The following PRKRA variants were observed in gnomAD, a reference collection of about 807,000 sequenced individuals.
PRKRA encodes interferon-inducible double-stranded RNA-dependent protein kinase activator A.
PRKRA carries 22 observed loss-of-function variants against 32.4 expected under a neutral mutation model. That is an observed-to-expected ratio of 0.68 (90% CI 0.49 to 0.97). The LOEUF is 0.97. Ranked by LOEUF, PRKRA falls within the 50% of genes least tolerant of loss-of-function variation. PRKRA has a pLI of 0.00. For synonymous variants in PRKRA, 139 were observed against 129.8 expected, an observed-to-expected ratio of 1.07 and a Z score of -0.48; for missense variants, 319 against 375.6, an observed-to-expected ratio of 0.85 and a Z score of 1.25.
At chr2:178,435,556 A>G (rs991180061) in intron 7 of PRKRA, among the ~76,000 whole-genome samples, 3 of 152,210 alleles carry the variant, frequency 2.0e-5, no homozygotes, top group African/African-American at 7.2e-5. Flanking sequence ...GAGATGGGAT[A>G]AAACTATAAA....
chr2:178,437,458 A>G (rs1696945754), intron 6 of PRKRA, among the ~76,000 whole-genome samples: 1 of 152,200 alleles, frequency 6.6e-6, no homozygotes, highest in Admixed American at 6.5e-5. Context: ...TTATCAGTGC[A>G]CATATATGCA....
intron 2 of PRKRA, among the ~76,000 whole-genome samples, chr2:178,448,177 G>A (rs1342464134): frequency 1.3e-5 from 2 of 152,136 alleles, no homozygotes; most frequent in African/African-American, 2.4e-5. Context: ...TCTTCTGGAC[G>A]GTCTGTATCT....
At chr2:178,450,535 G>A in intron 1 of PRKRA, 124 bp from the exon 2 acceptor site, 1 of 1,573,130 alleles carries the variant, frequency 6.4e-7, no homozygotes, top group Non-Finnish European at 8.6e-7. Flanking sequence ...GGAGGCCAGG[G>A]CCAGAGCTGG....
chr2:178,432,448 T>C (rs910157540), intron 7 of PRKRA, among the ~76,000 whole-genome samples, 194 bp from the exon 8 acceptor site: 7 of 152,202 alleles, frequency 4.6e-5, no homozygotes, highest in Non-Finnish European at 8.8e-5. Context: ...TCAAACACAT[T>C]ACACTTCATA....
At chr2:178,449,691 C>T (rs944837405) in intron 2 of PRKRA, among the ~76,000 whole-genome samples, 1 of 152,168 alleles carries the variant, frequency 6.6e-6, no homozygotes, top group Non-Finnish European at 1.5e-5. Context: ...GGATAATATA[C>T]AAAATATCTG....
intron 6 of PRKRA, among the ~76,000 whole-genome samples, chr2:178,437,537 A>G (rs142048356): frequency 3.9e-5 from 6 of 152,314 alleles, no homozygotes; most frequent in African/African-American, 1.2e-4. Flanking sequence ...TTTACTAGCA[A>G]TAAACACTCT....
At chr2:178,450,113 AG>A in intron 2 of PRKRA, 128 bp downstream of exon 2, 1 of 1,167,672 alleles carries the variant, frequency 8.6e-7, no homozygotes, top group East Asian at 2.3e-5. Context: ...ACCTGAGATG[AG>A]AGGTCTCAGT....
chr2:178,438,281 A>G lies in PRKRA; in HGVS notation c.610-1962T>C, dbSNP rs1239163714. On this transcript the variant is annotated intron_variant, in intron 6 of 7. Transcript: ENST00000325748. ...CAAATCTTTGATCCATCTGAAATTCACTTTGGTGTAAGGAATAAGGAAGCA... is the reference window on the plus strand; with the variant it reads ...CAAATCTTTGATCCATCTGAAATTCGCTTTGGTGTAAGGAATAAGGAAGCA... 2.0e-5 allele frequency among the ~76,000 whole-genome samples: 3 copies of G among 152,300 alleles called. No homozygotes were observed. In the East Asian group the frequency reaches 5.8e-4, roughly 29 times the overall value.
intron 6 of PRKRA, among the ~76,000 whole-genome samples, chr2:178,436,601 C>A (rs1227810395): frequency 6.6e-6 from 1 of 152,090 alleles, no homozygotes; most frequent in African/African-American, 2.4e-5. Flanking sequence ...CTGATGGTCA[C>A]ATTAAGAGGT....
chr2:178,450,654 A>T (rs1481480480), intron 1 of PRKRA: 6 of 1,439,084 alleles, frequency 4.2e-6, no homozygotes, highest in Non-Finnish European at 5.4e-6. Flanking sequence ...GGTAGGAGAG[A>T]TTCTCAACAG....
Position 178,447,508 on chromosome 2 carries a change from A to AGCAAG in PRKRA, c.313_314insCTTGC (p.Ile105ThrfsTer11), listed in dbSNP as rs1320640367. The AGCAAG allele has an allele frequency of 0.069, 70,449 of 1,022,606 alleles. 6 individuals are homozygous for AGCAAG. Among genetic ancestry groups the AGCAAG allele is most frequent in the Admixed American group, 0.097 (3,672 of 38,018 alleles). The allele number at this position is 1,022,606 out of a possible 1,614,324, so 63.3% of individuals were successfully genotyped here. A position where few individuals can be genotyped will look rare whatever the true frequency, so the allele number is the denominator to read the frequency against. ...AATACAAAGAAATTTAGCTCACCAA[A>AGCAAG]TACTTGCATTGGCTTTCAAAATGTT... On this transcript the variant is annotated frameshift_variant, in exon 3 of 8. Transcript: ENST00000325748. LOFTEE classifies it high-confidence loss of function.
Position 178,450,720 on chromosome 2 carries a change from C to T in PRKRA, c.65+246G>A, listed in dbSNP as rs150924810. The T allele has an allele frequency of 1.3e-3, 1,790 of 1,378,462 alleles. 35 individuals carry two copies. In the South Asian group the frequency reaches 0.018, roughly 14 times the overall value. The allele number at this position is 1,378,462 out of a possible 1,614,324, so 85.4% of individuals were successfully genotyped here. A position where few individuals can be genotyped will look rare whatever the true frequency, so the allele number is the denominator to read the frequency against. The stretch of plus-strand genomic sequence containing the variant: ...CAGGGAAAACCTGACGATCCCTTCC[C>T]GGGCGCGCCGACCGAGCGTCACCTC... On this transcript the variant is annotated intron_variant, in intron 1 of 7. Transcript: ENST00000325748.
In PRKRA at chr2:178,450,222, G is replaced by A. The variant is rs62176111; in HGVS notation, c.235+20C>T. ...GACTGCCAACCCACTCGGTCATCCA[G>A]GTTAACTGTGTATACAGACCTGTGC... On this transcript the variant is annotated intron_variant, in intron 2 of 7. Coordinates refer to ENST00000325748, the MANE Select transcript of PRKRA (RefSeq NM_003690.5). 4 of 792,972 alleles carry A rather than the reference G, an allele frequency of 5.0e-6. No individual in the cohort carries two copies. The highest frequency in any genetic ancestry group is 7.2e-6 in the Non-Finnish European group (4 of 552,708). The allele number at this position is 792,972 out of a possible 1,614,324, so 49.1% of individuals were successfully genotyped here.
chr2:178,449,152 GGTT>G (rs1309362671), intron 2 of PRKRA, among the ~76,000 whole-genome samples: 1 of 152,152 alleles, frequency 6.6e-6, no homozygotes, highest in African/African-American at 2.4e-5. Context: ...GGTTGCCATA[GGTT>G]GTTAATTTGG....
At chr2:178,441,824 C>T (rs1231441425) in intron 5 of PRKRA, 120 bp from the exon 6 acceptor site, 6 of 745,042 alleles carry the variant, frequency 8.1e-6, no homozygotes, top group Non-Finnish European at 1.2e-5. Context: ...ATATACTAGA[C>T]TATGTTCTTA....
chr2:178,450,252 T>A lies in PRKRA; in HGVS notation c.225A>T (p.Ile75=). ...ACTGTGTATACAGACCTGTGCAGGT[T>A]ATGTCACCAACGGTTACTCTGAAGG... is the stretch of plus-strand genomic sequence containing the variant. ...TFTFRVTVGD[I]TCTGEGTSKK... is the part of the protein sequence containing the mutation. The change falls in exon 2 of 8, where the codon ATA becomes ATT. Residue 75 remains isoleucine, a synonymous_variant. Coordinates refer to ENST00000325748, the MANE Select transcript of PRKRA (RefSeq NM_003690.5). 1 of 1,614,276 alleles carries A rather than the reference T, an allele frequency of 6.2e-7. No individual in the cohort carries two copies. The highest frequency in any genetic ancestry group is 8.5e-7 in the Non-Finnish European group (1 of 1,180,048).
In PRKRA at chr2:178,432,017, A is replaced by G. The variant is rs1696675861; in HGVS notation, c.*80T>C. 8.2e-6 allele frequency: 12 copies of G among 1,466,368 alleles called. No homozygotes were observed. Among genetic ancestry groups the G allele is most frequent in the Non-Finnish European group, 1.1e-5 (12 of 1,055,380 alleles). The allele number at this position is 1,466,368 out of a possible 1,614,324, so 90.8% of individuals were successfully genotyped here. A position where few individuals can be genotyped will look rare whatever the true frequency, so the allele number is the denominator to read the frequency against. On this transcript the variant is annotated 3_prime_UTR_variant, in exon 8 of 8. Coordinates refer to ENST00000325748, the MANE Select transcript of PRKRA (RefSeq NM_003690.5). ...GATTTAGAAACAAGACATAAACACT[A>G]CGGTAAAAGTTTTACTTGGGAAGGG...
Position 178,436,901 on chromosome 2 carries a change from C to T in PRKRA, c.610-582G>A, listed in dbSNP as rs561355755. 2.0e-5 allele frequency among the ~76,000 whole-genome samples: 3 copies of T among 152,136 alleles called. No individual in the cohort carries two copies. In the South Asian group the frequency reaches 6.2e-4, roughly 32 times the overall value. On this transcript the variant is annotated intron_variant, in intron 6 of 7. Transcript: ENST00000325748. The stretch of plus-strand genomic sequence containing the variant: ...CCAGAACCCAACTGAGTATTTTTTT[C>T]CTTTTTCTTTCTGCTTTTCCTCTTT...
At chr2:178,449,421 C>G (rs1200026138) in intron 2 of PRKRA, among the ~76,000 whole-genome samples, 3 of 152,210 alleles carry the variant, frequency 2.0e-5, no homozygotes, top group African/African-American at 7.2e-5. Flanking sequence ...GATGGTAGAA[C>G]TTGAGCCTTC....
Sources: gnomAD v4.1 joint callset for allele counts (sites outside exome capture counted in the v4.1 genomes callset) on GRCh38, gnomAD v4.1.1 for gene constraint, MANE v1.5 for transcripts, NCBI Gene and HGNC (gene_info 2026-07-23, HGNC 2026-07-21) for gene names.